Variants in MARS1 observed in about 807,000 individuals in gnomAD.
MARS1 encodes methionine--tRNA ligase, cytoplasmic.
Under a neutral mutation model 119.5 loss-of-function variants are expected in MARS1, and 80 were observed. The observed-to-expected ratio is 0.67, with a 90% CI of 0.56 to 0.81. The LOEUF (loss-of-function observed/expected upper bound fraction) is 0.81, where lower values mean the gene tolerates loss of function less well. Among genes scored for constraint, MARS1 ranks in the 30% least tolerant of loss-of-function variants. The pLI is 0.00. For synonymous variants in MARS1, 418 were observed against 433.4 expected, an observed-to-expected ratio of 0.96 and a Z score of 0.44; for missense variants, 945 against 1,116.5, an observed-to-expected ratio of 0.85 and a Z score of 2.19.
At chr12:57,498,134 T>G (rs1189610089) in intron 7 of MARS1, 23 bp from the exon 8 acceptor site, 1 of 1,528,916 alleles carries the variant, frequency 6.5e-7, no homozygotes, top group Non-Finnish European at 9.1e-7. Flanking sequence ...CCATGCACTG[T>G]TCTCTTCCTC....
intron 11 of MARS1, 89 bp from the exon 12 acceptor site, chr12:57,511,609 T>C (rs1207795743): frequency 7.0e-7 from 1 of 1,435,824 alleles, no homozygotes; most frequent in Admixed American, 1.9e-5. Context: ...TATTGCCAAA[T>C]TGTGCTCCAA....
At chr12:57,512,557 T>C (rs142957824) in intron 14 of MARS1, 194 bp from the exon 15 acceptor site, 23 of 640,594 alleles carry the variant, frequency 3.6e-5, no homozygotes, top group Admixed American at 3.2e-4. Flanking sequence ...TTAGTAGATA[T>C]AAGCAAAGAG....
chr12:57,493,392 TATATA>T (rs1369089449), intron 7 of MARS1, among the ~76,000 whole-genome samples: 2 of 9,730 alleles, frequency 2.1e-4, no homozygotes, highest in South Asian at 4.1e-3. Flanking sequence ...TAATATATTA[TATATA>T]ATATATGTTA....
intron 5 of MARS1, 46 bp from the exon 6 acceptor site, chr12:57,490,161 A>C: frequency 6.3e-7 from 1 of 1,585,212 alleles, no homozygotes; most frequent in Non-Finnish European, 8.6e-7. Flanking sequence ...GCTCCTGCCT[A>C]CCAGGTCCTT....
At chr12:57,491,205 C>T (rs1875936646) in intron 7 of MARS1, among the ~76,000 whole-genome samples, 1 of 152,088 alleles carries the variant, frequency 6.6e-6, no homozygotes, top group Non-Finnish European at 1.5e-5. Flanking sequence ...TTTTTACCCA[C>T]CGATAGGAGC....
intron 10 of MARS1, among the ~76,000 whole-genome samples, chr12:57,503,627 C>T (rs907397330): frequency 9.2e-5 from 14 of 151,916 alleles, no homozygotes; most frequent in African/African-American, 3.4e-4. Flanking sequence ...TCACTGCAAC[C>T]TCTGCCTCTC....
At chr12:57,493,390 T>A (rs58353609) in intron 7 of MARS1, among the ~76,000 whole-genome samples, 81 of 5,254 alleles carry the variant, frequency 0.015, no homozygotes, top group Middle Eastern at 0.17. Flanking sequence ...TATAATATAT[T>A]ATATATAATA....
chr12:57,516,299 C>T lies in MARS1; in HGVS notation c.2518C>T (p.Gln840Ter), dbSNP rs755435285. The part of the protein sequence containing the change: ...VVETVTTAKP[Q>*]QIQALMDEVT... ...AGAGACTGTTACAACAGCCAAGCCA[C>T]AGCAGATACAAGCGCTGATGGATGA... is the stretch of plus-strand genomic sequence containing the variant. The change falls in exon 20 of 21, where the codon CAG becomes TAG. Residue 840 changes from glutamine (Q) to a stop codon, truncating the protein, a stop_gained. Transcript: ENST00000262027. LOFTEE classifies it high-confidence loss of function. The T allele has an allele frequency of 6.2e-7, 1 of 1,614,220 alleles. No individual in the cohort carries two copies. The highest frequency in any genetic ancestry group is 8.5e-7 in the Non-Finnish European group (1 of 1,180,048).
chr12:57,496,388 G>T (rs1426771441), intron 7 of MARS1, among the ~76,000 whole-genome samples: 1 of 150,996 alleles, frequency 6.6e-6, no homozygotes, highest in Non-Finnish European at 1.5e-5. Flanking sequence ...CTGGTCTTGA[G>T]CTCCGACCTC....
intron 11 of MARS1, among the ~76,000 whole-genome samples, 189 bp downstream of exon 11, chr12:57,504,488 GTATT>G (rs532078815): frequency 6.2e-4 from 94 of 152,238 alleles, no homozygotes; most frequent in African/African-American, 2.2e-3. Context: ...CTTGCGAGAG[GTATT>G]TACTACTTTT....
chr12:57,495,992 A>T (rs912373956), intron 7 of MARS1, among the ~76,000 whole-genome samples: 1 of 152,008 alleles, frequency 6.6e-6, no homozygotes, highest in Non-Finnish European at 1.5e-5. Flanking sequence ...AGACCGTGGA[A>T]AGTGGGAGAC....
intron 7 of MARS1, among the ~76,000 whole-genome samples, chr12:57,495,080 G>A (rs369175107): frequency 3.3e-5 from 5 of 151,602 alleles, no homozygotes; most frequent in East Asian, 3.9e-4. Flanking sequence ...CAGACAGGGC[G>A]GCCGGGCAGA....
chr12:57,493,351 ATAT>A (rs1297816569), intron 7 of MARS1, among the ~76,000 whole-genome samples: 6 of 75,544 alleles, frequency 7.9e-5, no homozygotes, highest in Non-Finnish European at 2.3e-5. Flanking sequence ...TATATAATAT[ATAT>A]TATATGATAT....
In MARS1 at chr12:57,498,531, C is replaced by T. The variant is rs775376086; in HGVS notation, c.999C>T (p.Cys333=). The T allele has an allele frequency of 7.4e-6, 12 of 1,614,172 alleles. No individual in the cohort carries two copies. The highest frequency in any genetic ancestry group is 3.3e-4 in the Middle Eastern group (2 of 6,062). Residue 333 remains cysteine, a synonymous_variant, in exon 9 of 21, where the codon TGC becomes TGT. Coordinates refer to ENST00000262027, the MANE Select transcript of MARS1 (RefSeq NM_004990.4). ...AGGGACTAACCCCCCAGGAGATCTG[C>T]GACAAGTACCACATCATCCATGCTG... ...LEEGLTPQEI[C]DKYHIIHADI...
At chr12:57,501,052 TAGA>T (rs1477907993) in intron 10 of MARS1, among the ~76,000 whole-genome samples, 1 of 152,032 alleles carries the variant, frequency 6.6e-6, no homozygotes, top group Non-Finnish European at 1.5e-5. Flanking sequence ...CTAACTTAGG[TAGA>T]TAGGGAAGGC....
chr12:57,512,242 C>T lies in MARS1; in HGVS notation c.1642C>T (p.Leu548=), dbSNP rs922686526. The change falls in exon 14 of 21, where the codon CTG becomes TTG. Residue 548 remains leucine (L), a synonymous_variant. Transcript: ENST00000262027. The stretch of plus-strand genomic sequence containing the variant: ...CCTAACCACATTCCCCTAGGTGGAC[C>T]TGTATCAGTTCATGGCCAAAGACAA... ...RWWKNPEQVD[L]YQFMAKDNVP... 6.2e-6 allele frequency: 10 copies of T among 1,613,358 alleles called. No homozygotes were observed. The Admixed American group carries it at 1.3e-4, about 22-fold the overall frequency.
In MARS1 at chr12:57,516,499, C is replaced by A; in HGVS notation, c.2621C>A (p.Ala874Glu). The part of the protein sequence containing the change: ...ADKNEVAAEV[A>E]KLLDLKKQLA... ...AAGAACGAGGTTGCTGCGGAGGTGG[C>A]GAAACTCTTGGATCTAAAGAAACAG... The change falls in exon 21 of 21, where the codon GCG (alanine) becomes GAG (glutamate). Residue 874 changes from alanine (A) to glutamate (E), a missense_variant. Physicochemically the swap from Ala to Glu is moderately radical, Grantham distance 107. Transcript: ENST00000262027. 6.2e-7 allele frequency: 1 copy of A among 1,613,608 alleles called. No homozygotes were observed. Among genetic ancestry groups the A allele is most frequent in the Non-Finnish European group, 8.5e-7 (1 of 1,179,858 alleles).
intron 7 of MARS1, among the ~76,000 whole-genome samples, chr12:57,493,357 T>C (rs1228429828): frequency 4.1e-5 from 4 of 97,916 alleles, no homozygotes; most frequent in East Asian, 2.7e-4. Flanking sequence ...ATATATATTA[T>C]ATGATATGTA....
Position 57,504,219 on chromosome 12 carries a change from T to C in MARS1, c.1294-6T>C. 1 of 1,613,386 alleles carries C rather than the reference T, an allele frequency of 6.2e-7. No individual in the cohort carries two copies. The highest frequency in any genetic ancestry group is 8.5e-7 in the Non-Finnish European group (1 of 1,179,376). ...CTGATCTGTCCTCTGGAATTTTCCT[T>C]CGCAGAAGCCTCAGTGTAAAGTCTG... On this transcript the variant is annotated splice_region_variant and splice_polypyrimidine_tract_variant and intron_variant, in intron 10 of 20. Transcript: ENST00000262027.
Sources: allele counts gnomAD v4.1 joint callset (sites outside exome capture counted in the v4.1 genomes callset), GRCh38; gene constraint gnomAD v4.1.1; transcripts MANE v1.5; gene names NCBI Gene and HGNC (gene_info 2026-07-23, HGNC 2026-07-21).